PCDH15: variants seen among roughly 807,000 people sequenced by gnomAD.
PCDH15 encodes protocadherin related 15.
Under a neutral mutation model 178.5 loss-of-function variants are expected in PCDH15, and 129 were observed. That is an observed-to-expected ratio of 0.72 (90% CI 0.63 to 0.84). The LOEUF is 0.84. Among genes scored for constraint, PCDH15 ranks in the 40% least tolerant of loss-of-function variants. PCDH15 has a pLI of 0.00. For missense variants in PCDH15, 2,230 were observed against 2,099.9 expected (o/e 1.06, Z -1.21); for synonymous variants, 800 against 732.0 (o/e 1.09, Z -1.50).
chr10:53,862,563 G>A (rs1333632568), intron 27 of PCDH15, among the ~76,000 whole-genome samples: 2 of 152,124 alleles, frequency 1.3e-5, no homozygotes, highest in Non-Finnish European at 2.9e-5. Context: ...TACAGTGACA[G>A]GTACATTTTT....
At chr10:54,390,751 G>A (rs1258921508) in intron 3 of PCDH15, among the ~76,000 whole-genome samples, 1 of 152,134 alleles carries the variant, frequency 6.6e-6, no homozygotes, top group Non-Finnish European at 1.5e-5. Flanking sequence ...TGAGGAAACT[G>A]TCCAAATATA....
rs1348865571 is a variant in PCDH15, at chr10:55,467,141, A to G, written c.-156+160484T>C. 2.6e-5 allele frequency among the ~76,000 whole-genome samples: 4 copies of G among 152,238 alleles called. No individual in the cohort carries two copies. The East Asian group carries it at 7.7e-4, about 29-fold the overall frequency. ...GGTATTAATTTATGAGTTATTCAAT[A>G]AAAGAATGAATCTCTAGCTAGGGCA... On this transcript the variant is annotated intron_variant, in intron 2 of 5. Coordinates refer to the PCDH15 transcript ENST00000613346.
At position 54,877,932 on chromosome 10, in the gene PCDH15, CTCTCTCTTTTTTTTTTTTTTTTTTTT is replaced by C. The variant is rs1480107013; in HGVS notation, c.-29+19492_-29+19517del. 1.8e-3 allele frequency among the ~76,000 whole-genome samples: 8 copies of C among 4,534 alleles called. 1 individual carries two copies. In the East Asian group the frequency reaches 0.075, roughly 43 times the overall value. The allele number at this position is 4,534 out of a possible 152,430, so 3.0% of individuals were successfully genotyped here. A position where few individuals can be genotyped will look rare whatever the true frequency, so the allele number is the denominator to read the frequency against. Reference sequence around the variant, plus strand: ...AAATTCTCTTATTCTCTTTCTCTCTCTCTCTCTTTTTTTTTTTTTTTTTTTTTTTTTTTTTTTTTTTTTTTGTTGAA... The same window carrying C: ...AAATTCTCTTATTCTCTTTCTCTCTCTTTTTTTTTTTTTTTTTTTGTTGAA... On this transcript the variant is annotated intron_variant, in intron 3 of 5. Transcript: ENST00000458638.
At chr10:54,859,732 GT>G (rs11302322) in intron 3 of PCDH15, among the ~76,000 whole-genome samples, 151,591 of 151,592 alleles carry the variant, frequency 1, 75,795 homozygotes, top group Middle Eastern at 1. Context: ...TAACTAATTT[GT>G]TTCAGGTTCA....
At chr10:54,145,740 T>C (rs1199970842) in intron 14 of PCDH15, among the ~76,000 whole-genome samples, 1 of 152,062 alleles carries the variant, frequency 6.6e-6, no homozygotes, top group African/African-American at 2.4e-5. Context: ...AGTAAAGCAG[T>C]AGTAAGAGTT....
At chr10:54,913,151 G>T (rs1170011367) in intron 2 of PCDH15, among the ~76,000 whole-genome samples, 11 of 152,196 alleles carry the variant, frequency 7.2e-5, no homozygotes, top group African/African-American at 2.4e-4. Context: ...CATAAGTAAA[G>T]AGGAGCCTAA....
intron 26 of PCDH15, among the ~76,000 whole-genome samples, chr10:53,880,288 G>A (rs2080611001): frequency 6.6e-6 from 1 of 152,132 alleles, no homozygotes; most frequent in Admixed American, 6.5e-5. Flanking sequence ...AGGAAGACTT[G>A]TATTTTAATA....
At chr10:53,943,481 A>C (rs999286923) in intron 23 of PCDH15, among the ~76,000 whole-genome samples, 1 of 150,318 alleles carries the variant, frequency 6.7e-6, no homozygotes, top group Non-Finnish European at 1.5e-5. Flanking sequence ...ATCTCAAAAA[A>C]ACAAAAACAA....
chr10:55,304,270 T>G (rs567367897), intron 1 of PCDH15, among the ~76,000 whole-genome samples: 1 of 152,188 alleles, frequency 6.6e-6, no homozygotes, highest in South Asian at 2.1e-4. Context: ...TTTGGGAGGT[T>G]TTCCTTTTTG....
At chr10:55,466,647 CAA>C (rs1318958322) in intron 2 of PCDH15, among the ~76,000 whole-genome samples, 2 of 152,038 alleles carry the variant, frequency 1.3e-5, no homozygotes, top group African/African-American at 4.8e-5. Context: ...AAGAAGGACT[CAA>C]GAGAAACGTC....
intron 23 of PCDH15, among the ~76,000 whole-genome samples, chr10:53,944,735 T>C (rs10763031): frequency 0.51 from 77,931 of 151,780 alleles, 21,729 homozygotes; most frequent in Middle Eastern, 0.69. Context: ...AGATACCAAC[T>C]AGATGGCCAT....
At chr10:54,366,688 G>T (rs1463748250) in intron 5 of PCDH15, among the ~76,000 whole-genome samples, 2 of 148,700 alleles carry the variant, frequency 1.3e-5, no homozygotes, top group African/African-American at 5.0e-5. Context: ...TTTTTTTTTT[G>T]ATGCTATTTC....
chr10:54,386,551 A>T (rs1726705771), intron 3 of PCDH15, among the ~76,000 whole-genome samples: 1 of 152,170 alleles, frequency 6.6e-6, no homozygotes, highest in African/African-American at 2.4e-5. Context: ...CTTTCTCAAC[A>T]TAACTTTTTC....
intron 29 of PCDH15, among the ~76,000 whole-genome samples, chr10:53,833,610 T>A (rs2077136706): frequency 6.6e-6 from 1 of 150,482 alleles, no homozygotes; most frequent in East Asian, 2.0e-4. Context: ...TTTCAGTGAT[T>A]TTTAAACATA....
At position 55,456,870 on chromosome 10, in the gene PCDH15, T is replaced by C. The variant is rs534831931; in HGVS notation, c.-156+170755A>G. ...TCTTGTGAAAGTTCTGAGCAGTAAC[T>C]GGTAATTAGTATTAGAGGCTTTATC... On this transcript the variant is annotated intron_variant, in intron 2 of 5. Transcript: ENST00000613346. Among the ~76,000 whole-genome samples the C allele has an allele frequency of 1.3e-4, 20 of 152,224 alleles. No homozygotes were observed. In the South Asian group the frequency reaches 3.9e-3, roughly 30 times the overall value.
rs370146378 is a variant in PCDH15 at position 54,511,455 on chromosome 10, T to C, written c.157+16357A>G. 5.3e-5 allele frequency among the ~76,000 whole-genome samples: 8 copies of C among 152,120 alleles called. No homozygotes were observed. The East Asian group carries it at 7.7e-4, about 15-fold the overall frequency. ...CGCCTACCACCAGAAACAGAGAGAA[T>C]AGCACTTCACAGATTGCTACAACAG... On this transcript the variant is annotated intron_variant, in intron 3 of 37. Coordinates refer to ENST00000644397, the MANE Select transcript of PCDH15 (RefSeq NM_001384140.1).
At chr10:55,027,420 G>A (rs1210384970) in intron 2 of PCDH15, among the ~76,000 whole-genome samples, 1 of 151,736 alleles carries the variant, frequency 6.6e-6, no homozygotes, top group African/African-American at 2.4e-5. Context: ...AAATATATCA[G>A]AGGTGAATGA....
chr10:54,495,547 G>T (rs1167743769), intron 3 of PCDH15, among the ~76,000 whole-genome samples: 1 of 152,088 alleles, frequency 6.6e-6, no homozygotes, highest in East Asian at 1.9e-4. Context: ...AATAAGAGAG[G>T]ATATAATTTC....
intron 2 of PCDH15, among the ~76,000 whole-genome samples, chr10:55,371,995 A>G (rs1487355175): frequency 6.6e-6 from 1 of 152,132 alleles, no homozygotes; most frequent in Non-Finnish European, 1.5e-5. Flanking sequence ...CTCAACTTCA[A>G]ACAGATTCAT....
Sources: allele counts gnomAD v4.1 joint callset (sites outside exome capture counted in the v4.1 genomes callset), GRCh38; gene constraint gnomAD v4.1.1; transcripts MANE v1.5; gene names NCBI Gene and HGNC (gene_info 2026-07-23, HGNC 2026-07-21).